MBNL1: variants seen among roughly 807,000 people sequenced by gnomAD.
MBNL1 encodes the protein muscleblind like splicing regulator 1, also known as muscleblind-like protein 1.
MBNL1 carries 8 observed loss-of-function variants against 42.2 expected under a neutral mutation model. That is an observed-to-expected ratio of 0.19 (90% CI 0.11 to 0.34). The LOEUF (loss-of-function observed/expected upper bound fraction) is 0.34, where lower values mean the gene tolerates loss of function less well. Ranked by LOEUF, MBNL1 falls within the 10% of genes least tolerant of loss-of-function variation. The pLI is 1.00. For synonymous variants in MBNL1, 169 were observed against 173.9 expected, an observed-to-expected ratio of 0.97 and a Z score of 0.22; for missense variants, 309 against 495.3, an observed-to-expected ratio of 0.62 and a Z score of 3.57.
chr3:152,348,392 A>T (rs1201422617), intron 2 of MBNL1, among the ~76,000 whole-genome samples: 1 of 152,136 alleles, frequency 6.6e-6, no homozygotes, highest in African/African-American at 2.4e-5. Context: ...AGTAGGTAAC[A>T]CATTATTCTT....
chr3:152,421,614 G>A (rs951238353), intron 3 of MBNL1, among the ~76,000 whole-genome samples: 3 of 152,050 alleles, frequency 2.0e-5, no homozygotes, highest in Non-Finnish European at 2.9e-5. Context: ...TATACTCCTC[G>A]AGAAGAGCAA....
rs1428613732 is a variant in MBNL1, at chr3:152,464,878, C to T, written c.*2512C>T. The T allele has an allele frequency of 2.6e-5, 4 of 152,522 alleles. No homozygotes were observed. Among genetic ancestry groups the T allele is most frequent in the Admixed American group, 6.6e-5 (1 of 15,266 alleles). The allele number at this position is 152,522 out of a possible 1,614,324, so 9.4% of individuals were successfully genotyped here. On this transcript the variant is annotated 3_prime_UTR_variant, in exon 10 of 10. Transcript: ENST00000324210. ...AGTAAGATCTTATTTTGAATAAAAA[C>T]GTCTATAATTACAAGGAGTTTTGTT...
chr3:152,397,787 T>A (rs2153523830), intron 2 of MBNL1, among the ~76,000 whole-genome samples: 2 of 152,264 alleles, frequency 1.3e-5, no homozygotes, highest in Non-Finnish European at 2.9e-5. Context: ...AATTCACACA[T>A]GTAGAGAGGA....
chr3:152,268,939 C>G lies in MBNL1; in HGVS notation c.-943C>G. ...ACAGCGACATGCAACAGTCTTTTCA[C>G]TGCAGCTGAATGAGTTGTGGCGCCC... On this transcript the variant is annotated 5_prime_UTR_variant, in exon 1 of 10. Coordinates refer to ENST00000324210, the MANE Select transcript of MBNL1 (RefSeq NM_021038.5). The G allele has an allele frequency of 2.2e-6, 1 of 456,258 alleles. No individual in the cohort carries two copies. Among genetic ancestry groups the G allele is most frequent in the South Asian group, 1.5e-5 (1 of 64,574 alleles). The allele number at this position is 456,258 out of a possible 1,614,324, so 28.3% of individuals were successfully genotyped here. A position where few individuals can be genotyped will look rare whatever the true frequency, so the allele number is the denominator to read the frequency against.
rs11925846 is a variant in MBNL1 at position 152,407,073 on chromosome 3, T to G, written c.175-7868T>G. Among the ~76,000 whole-genome samples, 687 of 149,004 alleles carry G rather than the reference T, an allele frequency of 4.6e-3. 9 individuals are homozygous for G. The highest frequency in any genetic ancestry group is 0.014 in the African/African-American group (575 of 40,440). ...TGTGTGTGTGTGTGTGTGTGTGTGT[T>G]TGTGTGAACTTTTCACAGGACCAGG... On this transcript the variant is annotated intron_variant, in intron 2 of 9. Coordinates refer to ENST00000324210, the MANE Select transcript of MBNL1 (RefSeq NM_021038.5).
At chr3:152,252,898 A>C (rs1002850079) in intron 2 of MBNL1, among the ~76,000 whole-genome samples, 7 of 152,134 alleles carry the variant, frequency 4.6e-5, no homozygotes, top group Non-Finnish European at 8.8e-5. Context: ...ATTCTACTCC[A>C]GTATTCATAA....
chr3:152,262,277 G>C (rs377307868), intron 2 of MBNL1, among the ~76,000 whole-genome samples: 6 of 152,166 alleles, frequency 3.9e-5, no homozygotes, highest in Non-Finnish European at 7.4e-5. Context: ...AAGAGAAAAA[G>C]AAACAGATAT....
rs189011580 is a variant in MBNL1, at chr3:152,362,646, A to C, written c.175-52295A>C. On this transcript the variant is annotated intron_variant, in intron 2 of 9. Transcript: ENST00000324210. ...ATGCTTACTAGCATCTCTGGCCTCC[A>C]CCTGCTAGTAACAGTTTTCCCCCAA... is the stretch of plus-strand genomic sequence containing the variant. Among the ~76,000 whole-genome samples, 7 of 152,228 alleles carry C rather than the reference A, an allele frequency of 4.6e-5. No homozygotes were observed. The East Asian group carries it at 1.4e-3, about 29-fold the overall frequency.
chr3:152,341,700 G>A (rs566273192), intron 2 of MBNL1, among the ~76,000 whole-genome samples: 23 of 152,150 alleles, frequency 1.5e-4, no homozygotes, highest in African/African-American at 4.8e-4. Flanking sequence ...TTTATGATAC[G>A]ATTATTTCCT....
intron 2 of MBNL1, among the ~76,000 whole-genome samples, chr3:152,408,971 T>C (rs2098504179): frequency 6.6e-6 from 1 of 152,202 alleles, no homozygotes; most frequent in African/African-American, 2.4e-5. Context: ...CTTTTTAGGA[T>C]GTATGTGCTC....
At chr3:152,368,458 T>G (rs925542491) in intron 2 of MBNL1, among the ~76,000 whole-genome samples, 1 of 152,210 alleles carries the variant, frequency 6.6e-6, no homozygotes, top group African/African-American at 2.4e-5. Flanking sequence ...GCCACCAGCA[T>G]TGTTCTTTTT....
At chr3:152,353,671 CT>C (rs34931833) in intron 2 of MBNL1, among the ~76,000 whole-genome samples, 2,251 of 116,422 alleles carry the variant, frequency 0.019, 39 homozygotes, top group African/African-American at 0.065. Context: ...TCAACAAATC[CT>C]TTTTTTTTTT....
At chr3:152,403,598 G>C (rs1661500985) in intron 2 of MBNL1, among the ~76,000 whole-genome samples, 1 of 152,086 alleles carries the variant, frequency 6.6e-6, no homozygotes, top group Admixed American at 6.6e-5. Context: ...AGTTTGTTGA[G>C]TGTTACTTTA....
chr3:152,420,730 CCTCG>C (rs2098791052), intron 3 of MBNL1, among the ~76,000 whole-genome samples: 1 of 152,198 alleles, frequency 6.6e-6, no homozygotes, highest in African/African-American at 2.4e-5. Flanking sequence ...GATCACAACT[CCTCG>C]CCAGCAAGGG....
At chr3:152,336,601 A>G (rs555192527) in intron 2 of MBNL1, among the ~76,000 whole-genome samples, 271 of 152,352 alleles carry the variant, frequency 1.8e-3, no homozygotes, top group Admixed American at 5.0e-3. Context: ...CCTCAAATTT[A>G]AAATACTAAC....
At chr3:152,322,705 G>A (rs1312617070) in intron 2 of MBNL1, among the ~76,000 whole-genome samples, 2 of 151,716 alleles carry the variant, frequency 1.3e-5, no homozygotes, top group African/African-American at 2.4e-5. Flanking sequence ...CTGCAGCAGT[G>A]GACTGAAAAA....
chr3:152,345,847 T>C (rs1473164024), intron 2 of MBNL1, among the ~76,000 whole-genome samples: 2 of 152,130 alleles, frequency 1.3e-5, no homozygotes, highest in African/African-American at 4.8e-5. Context: ...AGATTTCTAA[T>C]CTTTATTTAA....
At chr3:152,324,962 C>T (rs1452754922) in intron 2 of MBNL1, among the ~76,000 whole-genome samples, 1 of 150,730 alleles carries the variant, frequency 6.6e-6, no homozygotes, top group Non-Finnish European at 1.5e-5. Flanking sequence ...TTACTAAGTA[C>T]TTAGCATTTT....
At chr3:152,257,581 T>C (rs1338779382) in intron 2 of MBNL1, among the ~76,000 whole-genome samples, 4 of 152,232 alleles carry the variant, frequency 2.6e-5, no homozygotes, top group African/African-American at 9.6e-5. Context: ...CATTTGTTAC[T>C]AAAATAGTAC....
Sources: gnomAD v4.1 joint callset for allele counts (sites outside exome capture counted in the v4.1 genomes callset) on GRCh38, gnomAD v4.1.1 for gene constraint, MANE v1.5 for transcripts, NCBI Gene and HGNC (gene_info 2026-07-23, HGNC 2026-07-21) for gene names.